The following TTC28 variants were observed in gnomAD, a reference collection of about 807,000 sequenced individuals.
The protein encoded by TTC28 is tetratricopeptide repeat protein 28.
In TTC28, 61 loss-of-function variants were observed where a neutral mutation model predicts 198.0. The observed-to-expected ratio is 0.31, with a 90% CI of 0.25 to 0.38. TTC28 has a LOEUF of 0.38. TTC28 is among the 10% of genes least tolerant of loss of function. The pLI is 1.00. For missense variants in TTC28, 2,678 were observed against 3,164.0 expected, an observed-to-expected ratio of 0.85 and a Z score of 3.69; for synonymous variants, 1,171 against 1,297.8, an observed-to-expected ratio of 0.90 and a Z score of 2.10.
At chr22:28,210,512 CTCAA>C (rs1569200171) in intron 5 of TTC28, among the ~76,000 whole-genome samples, 1 of 151,970 alleles carries the variant, frequency 6.6e-6, no homozygotes, top group Non-Finnish European at 1.5e-5. Context: ...CAGCAGCCGA[CTCAA>C]TCAAGTGGAA....
At chr22:28,317,307 T>C (rs1408674882) in intron 2 of TTC28, among the ~76,000 whole-genome samples, 2 of 152,220 alleles carry the variant, frequency 1.3e-5, no homozygotes, top group African/African-American at 4.8e-5. Flanking sequence ...TGGTCTTTCA[T>C]AGGCCAAGTA....
chr22:28,447,925 G>A (rs2047726159), intron 2 of TTC28, among the ~76,000 whole-genome samples: 1 of 152,046 alleles, frequency 6.6e-6, no homozygotes, highest in Non-Finnish European at 1.5e-5. Flanking sequence ...ATTACCTAAA[G>A]CCTTTAAATA....
At chr22:28,030,994 A>T (rs1023432102) in intron 12 of TTC28, among the ~76,000 whole-genome samples, 1 of 152,238 alleles carries the variant, frequency 6.6e-6, no homozygotes, top group South Asian at 2.1e-4. Flanking sequence ...CAGCATGAGG[A>T]GGTGACCATT....
At chr22:28,480,175 G>C (rs572532567) in intron 2 of TTC28, among the ~76,000 whole-genome samples, 1 of 152,174 alleles carries the variant, frequency 6.6e-6, no homozygotes, top group South Asian at 2.1e-4. Context: ...AGAGAAACAA[G>C]AGTGCTCCTA....
intron 2 of TTC28, among the ~76,000 whole-genome samples, chr22:28,538,135 A>C (rs1182900918): frequency 6.6e-6 from 1 of 152,204 alleles, no homozygotes; most frequent in African/African-American, 2.4e-5. Context: ...GCCAGGCTAG[A>C]GTACAGTGGC....
At chr22:27,996,470 T>G in intron 16 of TTC28, 10 of 647,426 alleles carry the variant, frequency 1.5e-5, no homozygotes, top group East Asian at 3.0e-5. Flanking sequence ...ATCAATATTG[T>G]TCAGCTGTTC....
intron 6 of TTC28, among the ~76,000 whole-genome samples, chr22:28,145,781 A>T (rs933454805): frequency 1.3e-5 from 2 of 152,240 alleles, no homozygotes; most frequent in African/African-American, 4.8e-5. Flanking sequence ...CTCTTTCGAC[A>T]TATGATACAA....
At chr22:28,607,549 T>C (rs776252242) in intron 2 of TTC28, among the ~76,000 whole-genome samples, 3 of 152,182 alleles carry the variant, frequency 2.0e-5, no homozygotes, top group Non-Finnish European at 2.9e-5. Flanking sequence ...TTATTGTAAA[T>C]ATTTATTCTG....
intron 6 of TTC28, among the ~76,000 whole-genome samples, chr22:28,118,910 T>C (rs1327780447): frequency 6.6e-6 from 1 of 152,224 alleles, no homozygotes; most frequent in Admixed American, 6.5e-5. Context: ...AAATCCTTTA[T>C]GGAATGAAAC....
chr22:28,536,550 G>A (rs1257702483), intron 2 of TTC28, among the ~76,000 whole-genome samples: 1 of 152,008 alleles, frequency 6.6e-6, no homozygotes, highest in Non-Finnish European at 1.5e-5. Context: ...CGTGAACCCG[G>A]GAGGCGGAGC....
chr22:28,569,028 T>C (rs1375753657), intron 2 of TTC28, among the ~76,000 whole-genome samples: 1 of 151,936 alleles, frequency 6.6e-6, no homozygotes, highest in African/African-American at 2.4e-5. Context: ...ACACCTGTAA[T>C]CCCTGCTACC....
At chr22:28,013,743 G>A (rs868106678) in intron 14 of TTC28, among the ~76,000 whole-genome samples, 3 of 152,152 alleles carry the variant, frequency 2.0e-5, no homozygotes, top group South Asian at 4.1e-4. Context: ...GCACAGCCAC[G>A]GCCACATCCC....
At chr22:28,084,454 T>C (rs202078093) in intron 12 of TTC28, among the ~76,000 whole-genome samples, 3 of 152,054 alleles carry the variant, frequency 2.0e-5, no homozygotes, top group African/African-American at 7.2e-5. Flanking sequence ...GAGGGTCCTG[T>C]CTGTTAGAAG....
intron 5 of TTC28, among the ~76,000 whole-genome samples, chr22:28,275,270 G>C (rs762544348): frequency 1.3e-5 from 2 of 152,168 alleles, no homozygotes; most frequent in Non-Finnish European, 2.9e-5. Context: ...CTTCATGCAT[G>C]TTTCACCTGA....
intron 12 of TTC28, among the ~76,000 whole-genome samples, chr22:28,073,702 C>T (rs1035745167): frequency 1.3e-5 from 2 of 152,166 alleles, no homozygotes; most frequent in Non-Finnish European, 2.9e-5. Flanking sequence ...GGGCTTGATA[C>T]GAGATTTGCT....
At chr22:28,173,981 G>A (rs1027721581) in intron 5 of TTC28, among the ~76,000 whole-genome samples, 19 of 152,138 alleles carry the variant, frequency 1.2e-4, no homozygotes, top group Non-Finnish European at 1.8e-4. Flanking sequence ...ATGTACCTGC[G>A]GCTAGTACCA....
At chr22:28,641,551 T>C (rs78645007) in intron 1 of TTC28, among the ~76,000 whole-genome samples, 1 of 152,204 alleles carries the variant, frequency 6.6e-6, no homozygotes, top group Non-Finnish European at 1.5e-5. Context: ...CCAGATTTCT[T>C]TTGAGAGCGA....
rs146004568 is a variant in TTC28, at chr22:28,370,759, A to G, written c.382-64116T>C. ...ACCCATGGTTCAAGAAACACAGAGAAAGAGAGAACTATAGAGAGAGAAGGG... is the reference window on the plus strand; with the variant it reads ...ACCCATGGTTCAAGAAACACAGAGAGAGAGAGAACTATAGAGAGAGAAGGG... On this transcript the variant is annotated intron_variant, in intron 2 of 22. Coordinates refer to ENST00000397906, the MANE Select transcript of TTC28 (RefSeq NM_001145418.2). 2.1e-3 allele frequency among the ~76,000 whole-genome samples: 313 copies of G among 152,342 alleles called. 1 individual carries two copies. Among genetic ancestry groups the G allele is most frequent in the African/African-American group, 7.2e-3 (301 of 41,576 alleles).
chr22:28,278,568 G>A (rs2044517386), intron 5 of TTC28, among the ~76,000 whole-genome samples: 2 of 152,126 alleles, frequency 1.3e-5, no homozygotes, highest in Admixed American at 1.3e-4. Flanking sequence ...GGTTAGCCCT[G>A]GTGATTTCTA....
Sources: allele counts gnomAD v4.1 joint callset (sites outside exome capture counted in the v4.1 genomes callset), GRCh38; gene constraint gnomAD v4.1.1; transcripts MANE v1.5; gene names NCBI Gene and HGNC (gene_info 2026-07-23, HGNC 2026-07-21).